Variants in RPH3A observed in about 807,000 individuals in gnomAD.
RPH3A encodes rabphilin 3A.
Under a neutral mutation model 102.2 loss-of-function variants are expected in RPH3A, and 48 were observed. That is an observed-to-expected ratio of 0.47 (90% CI 0.37 to 0.60). The LOEUF (loss-of-function observed/expected upper bound fraction) is 0.60, where lower values mean the gene tolerates loss of function less well. Ranked by LOEUF, RPH3A falls within the 20% of genes least tolerant of loss-of-function variation. The pLI is 0.00. For missense variants in RPH3A, 781 were observed against 910.1 expected, an observed-to-expected ratio of 0.86 and a Z score of 1.83; for synonymous variants, 310 against 324.3, an observed-to-expected ratio of 0.96 and a Z score of 0.47.
chr12:112,680,016 G>A (rs1277731779), intron 1 of RPH3A, among the ~76,000 whole-genome samples: 1 of 152,188 alleles, frequency 6.6e-6, no homozygotes, highest in African/African-American at 2.4e-5. Flanking sequence ...AACCAGGCTT[G>A]GGAAGAGCAG....
intron 1 of RPH3A, among the ~76,000 whole-genome samples, chr12:112,772,740 T>C (rs974438812): frequency 5.3e-5 from 8 of 152,078 alleles, no homozygotes; most frequent in African/African-American, 1.2e-4. Flanking sequence ...TTAATTTATA[T>C]ATATATTTTC....
chr12:112,618,236 C>T (rs1034603350), intron 1 of RPH3A, among the ~76,000 whole-genome samples: 1 of 152,144 alleles, frequency 6.6e-6, no homozygotes, highest in Non-Finnish European at 1.5e-5. Context: ...CCTAAGTCAC[C>T]CCCTGCCCTT....
At chr12:112,842,126 T>C (rs2042157875) in intron 4 of RPH3A, among the ~76,000 whole-genome samples, 1 of 152,252 alleles carries the variant, frequency 6.6e-6, no homozygotes, top group African/African-American at 2.4e-5. Context: ...TTGTCTTCCC[T>C]ACTCTTCCCT....
At chr12:112,612,543 A>G (rs746771503) in intron 1 of RPH3A, among the ~76,000 whole-genome samples, 61 of 150,016 alleles carry the variant, frequency 4.1e-4, no homozygotes, top group Non-Finnish European at 6.5e-4. Context: ...TCTGGGCCCT[A>G]AAGAGGGAGT....
At chr12:112,672,812 G>A (rs373194188) in intron 1 of RPH3A, among the ~76,000 whole-genome samples, 1 of 152,278 alleles carries the variant, frequency 6.6e-6, no homozygotes, top group African/African-American at 2.4e-5. Context: ...TCTCGCTTCC[G>A]AAGAGACCTT....
chr12:112,888,685 G>T (rs918781265), intron 17 of RPH3A, among the ~76,000 whole-genome samples: 1 of 152,188 alleles, frequency 6.6e-6, no homozygotes, highest in African/African-American at 2.4e-5. Context: ...CATTGTTGTT[G>T]TCAGATGTGA....
chr12:112,864,221 G>C (rs573170432), intron 5 of RPH3A, among the ~76,000 whole-genome samples: 1 of 152,178 alleles, frequency 6.6e-6, no homozygotes, highest in Non-Finnish European at 1.5e-5. Flanking sequence ...GGGAGGCCAA[G>C]GCAGGTGGAT....
intron 1 of RPH3A, among the ~76,000 whole-genome samples, chr12:112,602,140 G>A (rs932277781): frequency 1.3e-5 from 2 of 152,096 alleles, no homozygotes; most frequent in African/African-American, 4.8e-5. Context: ...TCTTCTTCAC[G>A]CCTTTCAAAA....
At chr12:112,891,801 G>C (rs2043099989) in intron 19 of RPH3A, among the ~76,000 whole-genome samples, 1 of 152,190 alleles carries the variant, frequency 6.6e-6, no homozygotes, top group Non-Finnish European at 1.5e-5. Context: ...GCACAAATAT[G>C]TCATGGACTT....
At chr12:112,851,835 A>C (rs1297353395) in intron 5 of RPH3A, among the ~76,000 whole-genome samples, 1 of 152,162 alleles carries the variant, frequency 6.6e-6, no homozygotes, top group African/African-American at 2.4e-5. Flanking sequence ...GGATTTCAGA[A>C]TTTATTTTGC....
intron 1 of RPH3A, among the ~76,000 whole-genome samples, chr12:112,691,516 C>T (rs1326201858): frequency 6.6e-6 from 1 of 152,162 alleles, no homozygotes; most frequent in African/African-American, 2.4e-5. Context: ...AAGTACAGTA[C>T]CCTTTTGGTG....
At chr12:112,756,852 G>T (rs2040826450) in intron 1 of RPH3A, among the ~76,000 whole-genome samples, 2 of 152,194 alleles carry the variant, frequency 1.3e-5, no homozygotes, top group South Asian at 4.1e-4. Flanking sequence ...ACTCCTACCA[G>T]TAATGTCTGA....
chr12:112,764,624 T>G (rs1403383915), intron 1 of RPH3A, among the ~76,000 whole-genome samples: 1 of 152,192 alleles, frequency 6.6e-6, no homozygotes, highest in African/African-American at 2.4e-5. Context: ...GGGTAAAATA[T>G]TTTTATTTAT....
At chr12:112,811,594 C>T (rs973182550) in intron 2 of RPH3A, among the ~76,000 whole-genome samples, 1 of 150,020 alleles carries the variant, frequency 6.7e-6, no homozygotes, top group Non-Finnish European at 1.5e-5. Context: ...AAGAGACCTG[C>T]TTTGTTTACC....
intron 1 of RPH3A, among the ~76,000 whole-genome samples, chr12:112,673,478 A>C (rs1181388910): frequency 6.6e-6 from 1 of 151,838 alleles, no homozygotes; most frequent in Non-Finnish European, 1.5e-5. Flanking sequence ...CTACAGGTGC[A>C]TGCCACCATC....
chr12:112,849,546 T>C (rs2042287919), intron 5 of RPH3A, among the ~76,000 whole-genome samples: 1 of 152,140 alleles, frequency 6.6e-6, no homozygotes, highest in Non-Finnish European at 1.5e-5. Flanking sequence ...CTGTTCAACC[T>C]TTTTCTTGCA....
intron 5 of RPH3A, 62 bp from the exon 6 acceptor site, chr12:112,865,350 CTG>C (rs2042591563): frequency 6.3e-7 from 1 of 1,582,388 alleles, no homozygotes; most frequent in Admixed American, 1.7e-5. Context: ...CAACCTGACA[CTG>C]TGGGGTATGC....
chr12:112,664,834 C>G (rs1448333969), intron 1 of RPH3A, among the ~76,000 whole-genome samples: 1 of 151,670 alleles, frequency 6.6e-6, no homozygotes, highest in Non-Finnish European at 1.5e-5. Flanking sequence ...ACTGCACGGC[C>G]TCTATGTTTT....
chr12:112,576,932 GTC>G (rs1165174342), intron 1 of RPH3A, among the ~76,000 whole-genome samples: 2 of 89,330 alleles, frequency 2.2e-5, no homozygotes, highest in Non-Finnish European at 3.8e-5. Context: ...TTGAGATAGA[GTC>G]TCTCTCTGTC....
Sources: gnomAD v4.1 joint callset for allele counts (sites outside exome capture counted in the v4.1 genomes callset) on GRCh38, gnomAD v4.1.1 for gene constraint, MANE v1.5 for transcripts, NCBI Gene and HGNC (gene_info 2026-07-23, HGNC 2026-07-21) for gene names.